Variants in BMERB1 observed in about 807,000 individuals in gnomAD.
The protein encoded by BMERB1 is bMERB domain containing 1.
A neutral mutation model predicts 23.6 loss-of-function variants in BMERB1; 12 were observed. That is an observed-to-expected ratio of 0.51 (90% CI 0.33 to 0.82). BMERB1 has a LOEUF of 0.82. BMERB1 is among the 40% of genes least tolerant of loss of function. The probability of loss-of-function intolerance (pLI) is 0.03; values close to 1 mark genes in which losing one functional copy is unlikely to be tolerated. For synonymous variants in BMERB1, 122 were observed against 96.6 expected (o/e 1.26, Z -1.54); for missense variants, 247 against 255.4 (o/e 0.97, Z 0.22).
intron 2 of BMERB1, among the ~76,000 whole-genome samples, chr16:15,537,949 G>A (rs1445972313): frequency 4.6e-5 from 7 of 152,140 alleles, no homozygotes; most frequent in Non-Finnish European, 8.8e-5. Flanking sequence ...ATGAGCCACC[G>A]TGCGTGGCTG....
intron 2 of BMERB1, among the ~76,000 whole-genome samples, chr16:15,564,421 A>G (rs973503990): frequency 2.6e-5 from 4 of 152,256 alleles, no homozygotes; most frequent in Admixed American, 2.6e-4. Flanking sequence ...GAGCTAAATA[A>G]GAGATAATCA....
chr16:15,577,294 G>A (rs2150975713), intron 3 of BMERB1: 1 of 152,258 alleles, frequency 6.6e-6, no homozygotes, highest in Admixed American at 6.5e-5. Flanking sequence ...TGTTAGAAAA[G>A]AAAATGATTT....
chr16:15,441,598 G>T (rs1350345261), intron 1 of BMERB1, among the ~76,000 whole-genome samples: 2 of 152,008 alleles, frequency 1.3e-5, no homozygotes, highest in African/African-American at 2.4e-5. Context: ...GGCTGGTCTC[G>T]AACTCTTGAC....
intron 1 of BMERB1, among the ~76,000 whole-genome samples, chr16:15,472,307 A>T (rs2051235924): frequency 6.6e-6 from 1 of 152,044 alleles, no homozygotes; most frequent in Non-Finnish European, 1.5e-5. Context: ...ATCCTTGCTG[A>T]TTTTCTGTCT....
chr16:15,445,306 G>A (rs1033127080), intron 1 of BMERB1, among the ~76,000 whole-genome samples: 3 of 152,082 alleles, frequency 2.0e-5, no homozygotes, highest in Admixed American at 2.0e-4. Flanking sequence ...TCAATACAGA[G>A]GTCAGTACAT....
chr16:15,489,245 A>G (rs2051395718), intron 1 of BMERB1, among the ~76,000 whole-genome samples: 1 of 152,288 alleles, frequency 6.6e-6, no homozygotes, highest in Non-Finnish European at 1.5e-5. Flanking sequence ...AACAGGTCCT[A>G]TTACCTAAGA....
intron 1 of BMERB1, among the ~76,000 whole-genome samples, chr16:15,510,599 C>G (rs977632773): frequency 6.6e-6 from 1 of 152,086 alleles, no homozygotes; most frequent in Non-Finnish European, 1.5e-5. Flanking sequence ...CAAGGCCACA[C>G]AGCCAGGGAG....
At chr16:15,572,789 C>T (rs929027734) in intron 3 of BMERB1, among the ~76,000 whole-genome samples, 7 of 152,062 alleles carry the variant, frequency 4.6e-5, no homozygotes, top group East Asian at 1.9e-4. Flanking sequence ...CTATAATCCC[C>T]GTGTGTTGTG....
At chr16:15,549,647 C>G (rs991585447) in intron 2 of BMERB1, among the ~76,000 whole-genome samples, 6 of 151,534 alleles carry the variant, frequency 4.0e-5, no homozygotes, top group Non-Finnish European at 7.4e-5. Context: ...CCACTGCACT[C>G]CATCCTGGCG....
intron 2 of BMERB1, among the ~76,000 whole-genome samples, chr16:15,564,128 TC>T (rs1489209694): frequency 6.6e-6 from 1 of 152,208 alleles, no homozygotes; most frequent in Non-Finnish European, 1.5e-5. Context: ...TGTCCCATCT[TC>T]CAGCCAGCAG....
intron 3 of BMERB1, among the ~76,000 whole-genome samples, chr16:15,577,572 G>A (rs1028049492): frequency 2.6e-5 from 4 of 152,208 alleles, no homozygotes; most frequent in African/African-American, 4.8e-5. Context: ...CTTGGAAGAC[G>A]GCCAAGTGGG....
chr16:15,525,430 G>A (rs2051896409), intron 2 of BMERB1, among the ~76,000 whole-genome samples: 1 of 152,110 alleles, frequency 6.6e-6, no homozygotes, highest in Non-Finnish European at 1.5e-5. Context: ...CAGGCCAGGT[G>A]CAGTGGTTCA....
intron 1 of BMERB1, among the ~76,000 whole-genome samples, chr16:15,465,642 C>T (rs999719679): frequency 3.9e-5 from 6 of 152,142 alleles, no homozygotes; most frequent in Non-Finnish European, 5.9e-5. Flanking sequence ...TGTGACCCAC[C>T]GCACCCAGCC....
At chr16:15,446,876 C>G (rs1432975481) in intron 1 of BMERB1, among the ~76,000 whole-genome samples, 1 of 152,098 alleles carries the variant, frequency 6.6e-6, no homozygotes, top group Non-Finnish European at 1.5e-5. Context: ...AAGACGTTCA[C>G]AAAAATGGAG....
chr16:15,449,311 C>G (rs2051019898), intron 1 of BMERB1, among the ~76,000 whole-genome samples: 1 of 152,100 alleles, frequency 6.6e-6, no homozygotes, highest in South Asian at 2.1e-4. Flanking sequence ...TAAGTAGAAG[C>G]TAAACATTGG....
At chr16:15,493,563 C>T (rs911066175) in intron 1 of BMERB1, among the ~76,000 whole-genome samples, 1 of 152,098 alleles carries the variant, frequency 6.6e-6, no homozygotes, top group African/African-American at 2.4e-5. Context: ...TTCAGTCCGA[C>T]ATGAATGCTT....
At chr16:15,546,328 C>T (rs540560731) in intron 2 of BMERB1, among the ~76,000 whole-genome samples, 16 of 152,218 alleles carry the variant, frequency 1.1e-4, no homozygotes, top group South Asian at 4.1e-4. Flanking sequence ...AACACATACA[C>T]ATAAACCCCG....
intron 4 of BMERB1, among the ~76,000 whole-genome samples, chr16:15,582,699 C>T (rs2031045578): frequency 6.6e-6 from 1 of 152,116 alleles, no homozygotes; most frequent in African/African-American, 2.4e-5. Context: ...GCCTGGGTGG[C>T]AAAGAAAGAC....
intron 1 of BMERB1, among the ~76,000 whole-genome samples, chr16:15,444,125 T>TTTTTTTTTTTTTTG (rs1567447876): frequency 1.7e-5 from 1 of 58,112 alleles, no homozygotes; most frequent in Non-Finnish European, 3.8e-5. Flanking sequence ...CCAGCTTTGT[T>TTTTTTTTTTTTTTG]TTTTTTTTTT....
Sources: allele counts gnomAD v4.1 joint callset (sites outside exome capture counted in the v4.1 genomes callset), GRCh38; gene constraint gnomAD v4.1.1; transcripts MANE v1.5; gene names NCBI Gene and HGNC (gene_info 2026-07-23, HGNC 2026-07-21).